The following ZFAND4 variants were observed in gnomAD, a reference collection of about 807,000 sequenced individuals.
ZFAND4 encodes the protein AN1-type zinc finger protein 4.
ZFAND4 carries 43 observed loss-of-function variants against 64.4 expected under a neutral mutation model. That is an observed-to-expected ratio of 0.67 (90% CI 0.52 to 0.86). ZFAND4 has a LOEUF of 0.86. Ranked by LOEUF, ZFAND4 falls within the 40% of genes least tolerant of loss-of-function variation. The pLI is 0.00. For synonymous variants in ZFAND4, 296 were observed against 305.7 expected (o/e 0.97, Z 0.33); for missense variants, 929 against 859.8 (o/e 1.08, Z -1.01).
Position 45,618,081 on chromosome 10 carries a change from A to G in ZFAND4, c.2048+59T>C, listed in dbSNP as rs139096372. 5.7e-5 allele frequency: 88 copies of G among 1,553,076 alleles called. 2 individuals carry two copies. In the East Asian group the frequency reaches 1.6e-3, roughly 28 times the overall value. ...CAATTTAAATATTTTATTTTGCATAATCCCCAAGCTGGGTTATCACAGAGA... is the reference window on the plus strand; with the variant it reads ...CAATTTAAATATTTTATTTTGCATAGTCCCCAAGCTGGGTTATCACAGAGA... On this transcript the variant is annotated intron_variant, in intron 9 of 9. Coordinates refer to ENST00000344646, the MANE Select transcript of ZFAND4 (RefSeq NM_174890.4).
intron 2 of ZFAND4, among the ~76,000 whole-genome samples, chr10:45,657,442 G>A (rs866166585): frequency 5.3e-5 from 8 of 152,276 alleles, no homozygotes; most frequent in African/African-American, 1.9e-4. Context: ...ATATTATTAA[G>A]TGCTGATAAG....
chr10:45,618,387 A>G, intron 8 of ZFAND4, 127 bp from the exon 9 acceptor site: 1 of 1,167,726 alleles, frequency 8.6e-7, no homozygotes, highest in African/African-American at 1.6e-5. Context: ...AATTTGTGCT[A>G]TTTTTATATC....
At chr10:45,635,607 T>G (rs2046545943) in intron 6 of ZFAND4, among the ~76,000 whole-genome samples, 1 of 152,192 alleles carries the variant, frequency 6.6e-6, no homozygotes, top group African/African-American at 2.4e-5. Flanking sequence ...AAGACATATT[T>G]GTATACTTAT....
At chr10:45,640,876 A>T (rs2046952515) in intron 5 of ZFAND4, among the ~76,000 whole-genome samples, 1 of 152,218 alleles carries the variant, frequency 6.6e-6, no homozygotes, top group Non-Finnish European at 1.5e-5. Flanking sequence ...GATTTTAACA[A>T]GAAAAAACAC....
chr10:45,663,650 C>T lies in ZFAND4; in HGVS notation c.76G>A (p.Asp26Asn). 1 of 1,611,242 alleles carries T rather than the reference C, an allele frequency of 6.2e-7. No individual in the cohort carries two copies. The highest frequency in any genetic ancestry group is 8.5e-7 in the Non-Finnish European group (1 of 1,179,158). Residue 26 changes from aspartate (D) to asparagine (N), a missense_variant, in exon 2 of 10, where the codon GAT (aspartate) becomes AAT (asparagine). Transcript: ENST00000344646. ...GPFYYRLHFC[D>N]TMELFIETLT... Reference sequence around the variant, plus strand: ...GTTTCAATGAAGAGCTCCATGGTATCACAGAAATGAAGTCTGTAGTAAAAT... The same window carrying T: ...GTTTCAATGAAGAGCTCCATGGTATTACAGAAATGAAGTCTGTAGTAAAAT...
Position 45,672,439 on chromosome 10 carries a change from G to C in ZFAND4, c.-307C>G, listed in dbSNP as rs949756550. 11 of 152,148 alleles carry C rather than the reference G, an allele frequency of 7.2e-5. No individual in the cohort carries two copies. The highest frequency in any genetic ancestry group is 1.5e-5 in the Non-Finnish European group (1 of 67,954). The allele number at this position is 152,148 out of a possible 1,614,324, so 9.4% of individuals were successfully genotyped here. Reference sequence around the variant, plus strand: ...CACGCCCAAAGGAACAAACGCCAGAGCGTGTGTCCTGGGCAAAGGCGGCCC... The same window carrying C: ...CACGCCCAAAGGAACAAACGCCAGACCGTGTGTCCTGGGCAAAGGCGGCCC... On this transcript the variant is annotated 5_prime_UTR_variant, in exon 1 of 10. Coordinates refer to ENST00000344646, the MANE Select transcript of ZFAND4 (RefSeq NM_174890.4).
In ZFAND4 at chr10:45,672,719, C is replaced by G. The variant is rs1278419684; in HGVS notation, c.-587G>C. The G allele has an allele frequency of 1.3e-5, 2 of 152,196 alleles. No individual in the cohort carries two copies. The highest frequency in any genetic ancestry group is 4.1e-4 in the South Asian group (2 of 4,838). 9.4% of individuals were successfully genotyped at this position (152,196 alleles called of 1,614,324 possible). On this transcript the variant is annotated 5_prime_UTR_variant, in exon 1 of 10. Transcript: ENST00000344646. ...CTGGCTCGCTCGCCCGCCTACAGGT[C>G]GACAGGGCCCAACGACCCGGCGAGC...
intron 5 of ZFAND4, among the ~76,000 whole-genome samples, chr10:45,646,438 A>G (rs1361717152): frequency 6.6e-6 from 1 of 152,164 alleles, no homozygotes; most frequent in East Asian, 1.9e-4. Context: ...TCATTCATCC[A>G]TCCCTTTCCT....
intron 1 of ZFAND4, among the ~76,000 whole-genome samples, chr10:45,666,102 C>T (rs1458409092): frequency 6.6e-6 from 1 of 152,096 alleles, no homozygotes; most frequent in Non-Finnish European, 1.5e-5. Flanking sequence ...AATGTGGTAA[C>T]TCTTATGTTT....
Position 45,626,243 on chromosome 10 carries a change from T to C in ZFAND4, c.1580A>G (p.Gln527Arg), listed in dbSNP as rs2045813464. 2 of 1,614,168 alleles carry C rather than the reference T, an allele frequency of 1.2e-6. No individual in the cohort carries two copies. The highest frequency in any genetic ancestry group is 1.7e-6 in the Non-Finnish European group (2 of 1,180,030). ...DSSFSRTTCF[Q>R]GVKVDSLGKR... ...CCCAAGTGAATCAACTTTAACACCT[T>C]GAAAGCAAGTAGTCCTAGAGAAAGA... is the stretch of plus-strand genomic sequence containing the variant. The change falls in exon 7 of 10, where the codon CAA becomes CGA. Residue 527 changes from glutamine (Q) to arginine (R), a missense_variant. Transcript: ENST00000344646.
At position 45,648,721 on chromosome 10, in the gene ZFAND4, GAAAC is replaced by G. The variant is rs1290444961; in HGVS notation, c.329-191_329-188del. Among the ~76,000 whole-genome samples the G allele has an allele frequency of 4.6e-5, 7 of 152,116 alleles. No individual in the cohort carries two copies. The East Asian group carries it at 7.7e-4, about 17-fold the overall frequency. On this transcript the variant is annotated intron_variant, in intron 4 of 9. Coordinates refer to ENST00000344646, the MANE Select transcript of ZFAND4 (RefSeq NM_174890.4). ...AGCATTCCCTATGTTATATTAATAA[GAAAC>G]AAACAAACAAAATGCATGATTATGT...
In ZFAND4 at chr10:45,626,807, G is replaced by T. The variant is rs750631033; in HGVS notation, c.1016C>A (p.Pro339His). Reference protein sequence around the residue: ...SHFSSNVKLPPQIPHLELGND... With the variant: ...SHFSSNVKLPHQIPHLELGND... ...TCCCAACTCCAAATGGGGTATCTGA[G>T]GAGGTAGTTTGACGTTGCTACTGAA... is the stretch of plus-strand genomic sequence containing the variant. The change falls in exon 7 of 10, where the codon CCT (proline) becomes CAT (histidine). Residue 339 changes from proline to histidine, a missense_variant. Physicochemically the swap from Pro to His is moderately conservative, Grantham distance 77. Transcript: ENST00000344646. 4 of 1,614,238 alleles carry T rather than the reference G, an allele frequency of 2.5e-6. No homozygotes were observed. The highest frequency in any genetic ancestry group is 2.5e-6 in the Non-Finnish European group (3 of 1,180,040).
chr10:45,648,555 T>C, intron 4 of ZFAND4, 21 bp from the exon 5 acceptor site: 1 of 1,580,328 alleles, frequency 6.3e-7, no homozygotes, highest in Non-Finnish European at 8.6e-7. Flanking sequence ...AAAATTGAAA[T>C]AAGTCTTCAA....
At chr10:45,623,680 A>G (rs1309989971) in intron 8 of ZFAND4, among the ~76,000 whole-genome samples, 2 of 152,112 alleles carry the variant, frequency 1.3e-5, no homozygotes, top group Non-Finnish European at 2.9e-5. Context: ...TTGTAAGATG[A>G]AAAGTGTTCT....
At chr10:45,633,593 T>C (rs1001343897) in intron 6 of ZFAND4, among the ~76,000 whole-genome samples, 31 of 151,504 alleles carry the variant, frequency 2.0e-4, no homozygotes, top group Admixed American at 1.9e-3. Flanking sequence ...ATTTTCAAAA[T>C]ATATTAAAAT....
Position 45,653,006 on chromosome 10 carries a change from C to A in ZFAND4, c.238G>T (p.Asp80Tyr). The A allele has an allele frequency of 1.9e-6, 3 of 1,612,124 alleles. No homozygotes were observed. In the South Asian group the frequency reaches 3.3e-5, roughly 18 times the overall value. ...CACTTGTAATCATTCAAGCAATAAT[C>A]ATTTTCAAGTTCCATGTTATTCCAA... The part of the protein sequence containing the change: ...LIWNNMELEN[D>Y]YCLNDYNISE... Residue 80 changes from aspartate (D) to tyrosine (Y), a missense_variant, in exon 3 of 10, where the codon GAT (aspartate) becomes TAT (tyrosine). Transcript: ENST00000344646.
chr10:45,617,343 G>A (rs77337258), intron 9 of ZFAND4, among the ~76,000 whole-genome samples: 9,070 of 151,722 alleles, frequency 0.06, 391 homozygotes, highest in African/African-American at 0.12. Flanking sequence ...GCAGGGATTG[G>A]GATGGGTGTG....
At chr10:45,656,501 C>CAAAAAAAAA (rs541781976) in intron 2 of ZFAND4, among the ~76,000 whole-genome samples, 2 of 24,712 alleles carry the variant, frequency 8.1e-5, no homozygotes, top group Admixed American at 4.6e-4. Context: ...GAACCTGTCT[C>CAAAAAAAAA]AAAAAAAAAA....
chr10:45,635,232 A>C (rs2046513288), intron 6 of ZFAND4, among the ~76,000 whole-genome samples: 2 of 150,344 alleles, frequency 1.3e-5, no homozygotes, highest in African/African-American at 4.8e-5. Flanking sequence ...AAACAAACAA[A>C]AAAAAACTGG....
Sources: allele counts gnomAD v4.1 joint callset (sites outside exome capture counted in the v4.1 genomes callset), GRCh38; gene constraint gnomAD v4.1.1; transcripts MANE v1.5; gene names NCBI Gene and HGNC (gene_info 2026-07-23, HGNC 2026-07-21).